Variants in FER1L5 observed in about 807,000 individuals in gnomAD.
FER1L5 encodes fer-1 like family member 5, also known as fer-1-like protein 5.
FER1L5 carries 187 observed loss-of-function variants against 279.9 expected under a neutral mutation model. The ratio of observed to expected loss-of-function variants is 0.67; its 90% CI spans 0.59 to 0.75. FER1L5 has a LOEUF of 0.75. Ranked by LOEUF, FER1L5 falls within the 30% of genes least tolerant of loss-of-function variation. The pLI is 0.00. For synonymous variants in FER1L5, 921 were observed against 989.7 expected (o/e 0.93, Z 1.30); for missense variants, 2,091 against 2,594.4 (o/e 0.81, Z 4.21).
In FER1L5 at chr2:96,673,063, G is replaced by A. The variant is rs1458144993; in HGVS notation, c.1492-14G>A. The A allele has an allele frequency of 4.5e-6, 7 of 1,549,930 alleles. No individual in the cohort carries two copies. In the African/African-American group the frequency reaches 5.5e-5, roughly 12 times the overall value. On this transcript the variant is annotated splice_polypyrimidine_tract_variant and intron_variant, in intron 18 of 52. Coordinates refer to ENST00000624922, the MANE Select transcript of FER1L5 (RefSeq NM_001293083.2). ...TGTACTGGGTATGGGGGGTGGGGGC[G>A]GTTATTGTTTCAGAAGCACCAGAAC... is the stretch of plus-strand genomic sequence containing the variant.
At position 96,693,523 on chromosome 2, in the gene FER1L5, G is replaced by A; in HGVS notation, c.3310G>A (p.Val1104Ile). Residue 1104 changes from valine to isoleucine, a missense_variant, in exon 32 of 53, where the codon GTC becomes ATC. Val to Ile is a conservative substitution (Grantham distance 29). Coordinates refer to ENST00000624922, the MANE Select transcript of FER1L5 (RefSeq NM_001293083.2). Reference sequence around the variant, plus strand: ...CCCTCCAGGGCCCTTCATTCGGGTGGTCTTCCTGAACCACAGCCAGTGCAC... The same window carrying A: ...CCCTCCAGGGCCCTTCATTCGGGTGATCTTCCTGAACCACAGCCAGTGCAC... Reference protein sequence around the residue: ...LTFQGPFIRVVFLNHSQCTQT... With the variant: ...LTFQGPFIRVIFLNHSQCTQT... The A allele has an allele frequency of 1.3e-6, 2 of 1,551,350 alleles. No homozygotes were observed. Among genetic ancestry groups the A allele is most frequent in the Non-Finnish European group, 1.7e-6 (2 of 1,146,826 alleles).
rs930174967 is a variant in FER1L5 at position 96,689,202 on chromosome 2, C to T, written c.2362-11C>T. 3.2e-6 allele frequency: 5 copies of T among 1,549,218 alleles called. No homozygotes were observed. The African/African-American group carries it at 4.1e-5, about 13-fold the overall frequency. On this transcript the variant is annotated splice_polypyrimidine_tract_variant and intron_variant, in intron 24 of 52. Coordinates refer to ENST00000624922, the MANE Select transcript of FER1L5 (RefSeq NM_001293083.2). The surrounding 1 kb of genome is among the most constrained non-coding windows in gnomAD (Gnocchi z 4.6). ...AGGAGGCGGCCGCCCTGACAAGCTTCCCTCCCCTAGTATGAGAATCAGGCC... is the reference window on the plus strand; with the variant it reads ...AGGAGGCGGCCGCCCTGACAAGCTTTCCTCCCCTAGTATGAGAATCAGGCC...
intron 14 of FER1L5, among the ~76,000 whole-genome samples, chr2:96,668,103 C>A (rs375746208): frequency 1.3e-5 from 2 of 152,256 alleles, no homozygotes; most frequent in Admixed American, 6.5e-5. Context: ...CTTCAGCCCC[C>A]CAAAGTGCTG....
At chr2:96,674,050 T>C (rs2076423829) in intron 19 of FER1L5, among the ~76,000 whole-genome samples, 1 of 152,226 alleles carries the variant, frequency 6.6e-6, no homozygotes, top group African/African-American at 2.4e-5. Flanking sequence ...AATTTGCCCA[T>C]TTCAGTTTGT....
intron 8 of FER1L5, 162 bp from the exon 9 acceptor site, chr2:96,654,284 T>A: frequency 2.6e-6 from 1 of 391,584 alleles, no homozygotes; most frequent in Middle Eastern, 6.4e-4. Flanking sequence ...ACAGGGTTCC[T>A]CTGAGAGTGA....
chr2:96,668,906 A>G lies in FER1L5; in HGVS notation c.1205A>G (p.Asp402Gly). Reference sequence around the variant, plus strand: ...TCTAGCCGCAAGAAGGACTGCCCGGATGAGATTGGGACTGCCAGCCTGTCC... The same window carrying G: ...TCTAGCCGCAAGAAGGACTGCCCGGGTGAGATTGGGACTGCCAGCCTGTCC... ...VLDCRKKDCPDEIGTASLSLN... is the reference protein window; with the variant it reads ...VLDCRKKDCPGEIGTASLSLN... The change falls in exon 16 of 53, where the codon GAT (aspartate) becomes GGT (glycine). Residue 402 changes from aspartate to glycine, a missense_variant. Asp to Gly is a moderately conservative substitution (Grantham distance 94). Transcript: ENST00000624922. 6.4e-7 allele frequency: 1 copy of G among 1,551,522 alleles called. No homozygotes were observed. The highest frequency in any genetic ancestry group is 8.7e-7 in the Non-Finnish European group (1 of 1,146,936).
Position 96,704,264 on chromosome 2 carries a change from T to C in FER1L5, c.5851T>C (p.Cys1951Arg), listed in dbSNP as rs926851931. The C allele has an allele frequency of 1.2e-6, 2 of 1,614,058 alleles. No homozygotes were observed. The highest frequency in any genetic ancestry group is 1.7e-5 in the Admixed American group (1 of 60,024). Residue 1951 changes from cysteine to arginine, a missense_variant, in exon 52 of 53, where the codon TGC (cysteine) becomes CGC (arginine). By Grantham distance (180) the Cys-to-Arg change is radical. Transcript: ENST00000624922. ...TWLRSPVQNF[C>R]YIFWKRYRFK... ...GCTGCGGTCACCAGTTCAAAACTTC[T>C]GCTATATTTTCTGGAAACGCTATCG...
At chr2:96,659,294 C>CTTCCTTCCTTCCTTCCTTCA in intron 9 of FER1L5, among the ~76,000 whole-genome samples, 1 of 22,136 alleles carries the variant, frequency 4.5e-5, no homozygotes, top group South Asian at 4.0e-3. Flanking sequence ...TCAAGCTTTC[C>CTTCCTTCCTTCCTTCCTTCA]TTCCTTCCTT....
At chr2:96,678,378 A>G (rs963213577) in intron 19 of FER1L5, among the ~76,000 whole-genome samples, 1 of 150,272 alleles carries the variant, frequency 6.7e-6, no homozygotes, top group Non-Finnish European at 1.5e-5. Context: ...CAATCCACCC[A>G]CCTCGGCCTC....
At chr2:96,661,304 A>G (rs894176349) in intron 10 of FER1L5, 21 bp from the exon 11 acceptor site, 2 of 1,503,824 alleles carry the variant, frequency 1.3e-6, no homozygotes, top group African/African-American at 1.4e-5. Flanking sequence ...CAGATCTCCC[A>G]TGGCCTTTCT....
At chr2:96,703,874 G>A (rs1282609813) in intron 51 of FER1L5, among the ~76,000 whole-genome samples, 1 of 146,344 alleles carries the variant, frequency 6.8e-6, no homozygotes, top group South Asian at 2.2e-4. Context: ...GGAGTGTGGT[G>A]GCACAATCTC....
intron 12 of FER1L5, 91 bp downstream of exon 12, chr2:96,661,882 G>A: frequency 6.7e-7 from 1 of 1,501,086 alleles, no homozygotes; most frequent in South Asian, 1.3e-5. Flanking sequence ...ATTCCTTTTG[G>A]CACTAAACTA....
chr2:96,669,485 G>C (rs959512990), intron 17 of FER1L5, among the ~76,000 whole-genome samples: 2 of 152,140 alleles, frequency 1.3e-5, no homozygotes, highest in African/African-American at 4.8e-5. Flanking sequence ...CCAGAAACCC[G>C]ACTCGAACAG....
At position 96,661,449 on chromosome 2, in the gene FER1L5, C is replaced by T; in HGVS notation, c.894+9C>T. On this transcript the variant is annotated intron_variant, in intron 11 of 52. Transcript: ENST00000624922. ...TGGGAGACCAGGCCCTGGTGAGCTGCCCCTAACCCCGGAAACTTTCCTATC... is the reference window on the plus strand; with the variant it reads ...TGGGAGACCAGGCCCTGGTGAGCTGTCCCTAACCCCGGAAACTTTCCTATC... 1 of 1,550,330 alleles carries T rather than the reference C, an allele frequency of 6.5e-7. No individual in the cohort carries two copies. Among genetic ancestry groups the T allele is most frequent in the Non-Finnish European group, 8.7e-7 (1 of 1,146,152 alleles).
At chr2:96,690,941 A>G (rs185532826) in intron 27 of FER1L5, among the ~76,000 whole-genome samples, 1 of 152,334 alleles carries the variant, frequency 6.6e-6, no homozygotes, top group Non-Finnish European at 1.5e-5. Context: ...TTTGCTGCTT[A>G]TGGGCTGTGT....
intron 19 of FER1L5, among the ~76,000 whole-genome samples, chr2:96,682,135 G>A (rs2076753106): frequency 6.6e-6 from 1 of 151,628 alleles, no homozygotes; most frequent in East Asian, 1.9e-4. Flanking sequence ...TGCCCAGGCT[G>A]GAGTGCAGTG....
chr2:96,701,554 A>T (rs1474084059), intron 45 of FER1L5, among the ~76,000 whole-genome samples: 1 of 152,076 alleles, frequency 6.6e-6, no homozygotes, highest in Non-Finnish European at 1.5e-5. Context: ...GAAAATCTGG[A>T]CTGGTATCTA....
At chr2:96,663,972 G>A (rs2076041147) in intron 14 of FER1L5, among the ~76,000 whole-genome samples, 1 of 152,062 alleles carries the variant, frequency 6.6e-6, no homozygotes, top group Admixed American at 6.6e-5. Flanking sequence ...GAACCCCGGA[G>A]GTGGAAGTTG....
At position 96,687,902 on chromosome 2, in the gene FER1L5, C is replaced by G; in HGVS notation, c.2316C>G (p.Asp772Glu). 6.4e-7 allele frequency: 1 copy of G among 1,551,076 alleles called. No homozygotes were observed. ...MWLGNVTDSK[D>E]LQLLRQGDTA... Reference sequence around the variant, plus strand: ...TTGGCAATGTCACAGACAGCAAGGACCTGCAGCTGCTCCGCCAGGGTGACA... The same window carrying G: ...TTGGCAATGTCACAGACAGCAAGGAGCTGCAGCTGCTCCGCCAGGGTGACA... The change falls in exon 24 of 53, where the codon GAC becomes GAG. Residue 772 changes from aspartate (D) to glutamate (E), a missense_variant. Asp to Glu is a conservative substitution (Grantham distance 45, BLOSUM62 2). Transcript: ENST00000624922.
Sources: allele counts gnomAD v4.1 joint callset (sites outside exome capture counted in the v4.1 genomes callset), GRCh38; gene constraint gnomAD v4.1.1; non-coding constraint Gnocchi (gnomAD v3.1); transcripts MANE v1.5; gene names NCBI Gene and HGNC (gene_info 2026-07-23, HGNC 2026-07-21).